KCTD16: variants seen among roughly 807,000 people sequenced by gnomAD.
KCTD16 encodes the protein BTB/POZ domain-containing protein KCTD16.
A neutral mutation model predicts 33.2 loss-of-function variants in KCTD16; 13 were observed. The ratio of observed to expected loss-of-function variants is 0.39; its 90% CI spans 0.25 to 0.62. The LOEUF (loss-of-function observed/expected upper bound fraction) is 0.62. KCTD16 is among the 20% of genes least tolerant of loss of function. The probability of loss-of-function intolerance (pLI) is 0.50; values close to 1 mark genes in which losing one functional copy is unlikely to be tolerated. For missense variants in KCTD16, 441 were observed against 525.1 expected, an observed-to-expected ratio of 0.84 and a Z score of 1.57; for synonymous variants, 197 against 195.3, an observed-to-expected ratio of 1.01 and a Z score of -0.07.
intron 3 of KCTD16, among the ~76,000 whole-genome samples, chr5:144,396,343 C>G (rs1290916673): frequency 1.3e-5 from 2 of 152,114 alleles, no homozygotes; most frequent in Non-Finnish European, 2.9e-5. Context: ...TGTCCATGTC[C>G]AAGAGGCATA....
intron 3 of KCTD16, among the ~76,000 whole-genome samples, chr5:144,304,911 C>T (rs1043353483): frequency 4.0e-5 from 6 of 151,840 alleles, no homozygotes; most frequent in Non-Finnish European, 8.8e-5. Flanking sequence ...TCACAGAACA[C>T]TAGGGCCAAA....
intron 3 of KCTD16, among the ~76,000 whole-genome samples, chr5:144,404,140 A>G (rs17101876): frequency 0.042 from 6,399 of 152,216 alleles, 435 homozygotes; most frequent in African/African-American, 0.14. Flanking sequence ...AATTCATTTA[A>G]TAACAGCACC....
At chr5:144,179,218 A>T (rs1007479468) in intron 2 of KCTD16, among the ~76,000 whole-genome samples, 9 of 152,142 alleles carry the variant, frequency 5.9e-5, no homozygotes, top group Admixed American at 5.9e-4. Context: ...CTCTTGCCAG[A>T]TATGTCCCCT....
intron 3 of KCTD16, among the ~76,000 whole-genome samples, chr5:144,249,797 G>A (rs1754645923): frequency 6.6e-6 from 1 of 152,108 alleles, no homozygotes; most frequent in Non-Finnish European, 1.5e-5. Flanking sequence ...AGGTTACTCT[G>A]CATTTAAATG....
At chr5:144,446,176 T>G (rs967529343) in intron 3 of KCTD16, among the ~76,000 whole-genome samples, 39 of 151,972 alleles carry the variant, frequency 2.6e-4, no homozygotes, top group Non-Finnish European at 3.1e-4. Flanking sequence ...GTTAGTTAGT[T>G]GGTTGATTTT....
intron 3 of KCTD16, among the ~76,000 whole-genome samples, chr5:144,219,776 G>A (rs567508593): frequency 3.3e-5 from 5 of 151,674 alleles, no homozygotes; most frequent in African/African-American, 9.7e-5. Flanking sequence ...CACCCGCCTC[G>A]GCCTCCCAAA....
chr5:144,193,269 T>C (rs1752878006), intron 2 of KCTD16, among the ~76,000 whole-genome samples: 1 of 152,176 alleles, frequency 6.6e-6, no homozygotes, highest in Non-Finnish European at 1.5e-5. Flanking sequence ...CCATAACACA[T>C]AGAATGAAAT....
intron 3 of KCTD16, among the ~76,000 whole-genome samples, chr5:144,378,501 A>G (rs1170088907): frequency 6.6e-6 from 1 of 152,148 alleles, no homozygotes; most frequent in African/African-American, 2.4e-5. Context: ...TTTCATTTCT[A>G]TAATAAAATT....
chr5:144,217,648 G>T (rs1214606365), intron 3 of KCTD16, among the ~76,000 whole-genome samples: 1 of 152,128 alleles, frequency 6.6e-6, no homozygotes, highest in Non-Finnish European at 1.5e-5. Context: ...CTGTAGGCCT[G>T]TTCAGTTAAA....
chr5:144,482,363 ACT>A lies in KCTD16; in HGVS notation c.*8251_*8252del, dbSNP rs1417288040. The A allele has an allele frequency of 6.6e-6, 1 of 151,772 alleles. No individual in the cohort carries two copies. Among genetic ancestry groups the A allele is most frequent in the African/African-American group, 2.4e-5 (1 of 41,336 alleles). The allele number at this position is 151,772 out of a possible 1,614,324, so 9.4% of individuals were successfully genotyped here. A position where few individuals can be genotyped will look rare whatever the true frequency, so the allele number is the denominator to read the frequency against. On this transcript the variant is annotated 3_prime_UTR_variant, in exon 4 of 4. Transcript: ENST00000512467. The stretch of plus-strand genomic sequence containing the variant: ...CTGGTGAGTACTGATACCCTAAGAA[ACT>A]CACCGTGATAAGCTAGCTTCCACGT...
At chr5:144,306,051 G>T (rs2126874015) in intron 3 of KCTD16, among the ~76,000 whole-genome samples, 1 of 152,052 alleles carries the variant, frequency 6.6e-6, no homozygotes, top group African/African-American at 2.4e-5. Context: ...AATGAGGTTT[G>T]TTGTGAGCCA....
intron 3 of KCTD16, among the ~76,000 whole-genome samples, chr5:144,267,062 G>A (rs1043637146): frequency 4.6e-5 from 7 of 152,088 alleles, no homozygotes; most frequent in African/African-American, 1.7e-4. Context: ...TAAATCTTCT[G>A]GTCATGAGGT....
At chr5:144,210,283 C>G (rs751574914) in intron 3 of KCTD16, among the ~76,000 whole-genome samples, 2 of 151,916 alleles carry the variant, frequency 1.3e-5, no homozygotes, top group Non-Finnish European at 2.9e-5. Context: ...ATGAAAAAGT[C>G]AACAGGTATT....
intron 3 of KCTD16, among the ~76,000 whole-genome samples, chr5:144,423,101 TC>T (rs1205010608): frequency 6.6e-6 from 1 of 152,092 alleles, no homozygotes; most frequent in East Asian, 1.9e-4. Flanking sequence ...AAGTGTAAGT[TC>T]AAATGACCTG....
intron 3 of KCTD16, among the ~76,000 whole-genome samples, chr5:144,339,357 T>G (rs1752570211): frequency 6.6e-6 from 1 of 152,206 alleles, no homozygotes; most frequent in African/African-American, 2.4e-5. Context: ...CTTTACTATC[T>G]CTTTGTACAA....
intron 3 of KCTD16, among the ~76,000 whole-genome samples, chr5:144,352,720 A>C (rs1751474176): frequency 6.6e-6 from 1 of 152,242 alleles, no homozygotes; most frequent in Non-Finnish European, 1.5e-5. Context: ...TTATGACTTC[A>C]GATCAAAAGG....
At chr5:144,310,660 G>A (rs955711261) in intron 3 of KCTD16, among the ~76,000 whole-genome samples, 11 of 151,990 alleles carry the variant, frequency 7.2e-5, no homozygotes, top group African/African-American at 2.7e-4. Context: ...AGATAATAAA[G>A]TCTGATTCAT....
intron 2 of KCTD16, among the ~76,000 whole-genome samples, chr5:144,203,242 T>A (rs1753082764): frequency 1.3e-5 from 2 of 152,060 alleles, no homozygotes; most frequent in Non-Finnish European, 2.9e-5. Context: ...GTAATATTAA[T>A]ACTCTTTTTA....
intron 3 of KCTD16, among the ~76,000 whole-genome samples, chr5:144,301,612 T>C (rs1263023168): frequency 2.6e-5 from 4 of 152,226 alleles, no homozygotes; most frequent in Non-Finnish European, 5.9e-5. Flanking sequence ...CCATCTCTAC[T>C]TTAAAAATTC....
Sources: gnomAD v4.1 joint callset for allele counts (sites outside exome capture counted in the v4.1 genomes callset) on GRCh38, gnomAD v4.1.1 for gene constraint, MANE v1.5 for transcripts, NCBI Gene and HGNC (gene_info 2026-07-23, HGNC 2026-07-21) for gene names.